Variants in S100Z observed in about 807,000 individuals in gnomAD.
The protein encoded by S100Z is S100 calcium binding protein Z.
A neutral mutation model predicts 8.5 loss-of-function variants in S100Z; 11 were observed. The observed-to-expected ratio is 1.30, with a 90% CI of 0.82 to 2.15. S100Z has a LOEUF of 2.15. S100Z is among the 30% of genes most tolerant of loss of function. The pLI is 0.00. For missense variants in S100Z, 126 were observed against 117.9 expected, an observed-to-expected ratio of 1.07 and a Z score of -0.32; for synonymous variants, 34 against 43.8, an observed-to-expected ratio of 0.78 and a Z score of 0.89.
chr5:76,851,035 G>T (rs1356282498), intron 1 of S100Z, among the ~76,000 whole-genome samples: 1 of 152,190 alleles, frequency 6.6e-6, no homozygotes, highest in African/African-American at 2.4e-5. Context: ...TTGGCCCAGA[G>T]TATGTGCTAA....
In S100Z at chr5:76,907,787, C is replaced by T. The variant is rs1257811508; in HGVS notation, c.*3-12930C>T. ...AGCTGAGACTGAAATTAAGTATCAT[C>T]ATTGCAGAAAAAAATTCTAATGTAA... is the stretch of plus-strand genomic sequence containing the variant. On this transcript the variant is annotated intron_variant, in intron 4 of 4. Coordinates refer to ENST00000317593, the MANE Select transcript of S100Z (RefSeq NM_130772.4). Among the ~76,000 whole-genome samples, 4 of 152,204 alleles carry T rather than the reference C, an allele frequency of 2.6e-5. No homozygotes were observed. In the East Asian group the frequency reaches 7.7e-4, roughly 29 times the overall value.
intron 1 of S100Z, among the ~76,000 whole-genome samples, chr5:76,862,448 A>G (rs59427846): frequency 0.11 from 16,811 of 151,672 alleles, 1,901 homozygotes; most frequent in African/African-American, 0.29. Context: ...GGTGTAGCCA[A>G]TTGGAGGCCT....
chr5:76,905,616 G>T (rs1239809081), intron 4 of S100Z, among the ~76,000 whole-genome samples: 1 of 151,894 alleles, frequency 6.6e-6, no homozygotes. Flanking sequence ...GTTTCACCAC[G>T]TTATCCAGGA....
chr5:76,924,608 T>C (rs1745102725), downstream of S100Z, among the ~76,000 whole-genome samples: 1 of 152,120 alleles, frequency 6.6e-6, no homozygotes, highest in Non-Finnish European at 1.5e-5. Context: ...ACTTAATAGC[T>C]TAACAAAGAT....
the S100Z span, among the ~76,000 whole-genome samples, chr5:76,943,505 G>T: frequency 6.6e-6 from 1 of 151,980 alleles, no homozygotes; most frequent in East Asian, 1.9e-4. Context: ...TTAGAGGCCT[G>T]ATAGCTCCAG....
At chr5:76,892,524 A>C (rs552549077) in intron 4 of S100Z, among the ~76,000 whole-genome samples, 2 of 151,972 alleles carry the variant, frequency 1.3e-5, no homozygotes, top group South Asian at 4.1e-4. Context: ...TTATTTTGCC[A>C]AGATTGGGGG....
At chr5:76,895,303 G>A (rs921290782) in intron 4 of S100Z, among the ~76,000 whole-genome samples, 5 of 152,144 alleles carry the variant, frequency 3.3e-5, no homozygotes, top group African/African-American at 1.2e-4. Context: ...CATGGAAAGA[G>A]AGCAACTTAT....
intron 1 of S100Z, among the ~76,000 whole-genome samples, chr5:76,859,822 C>T (rs1013459561): frequency 4.0e-5 from 6 of 148,390 alleles, no homozygotes; most frequent in Non-Finnish European, 8.9e-5. Flanking sequence ...CACAGGGAGG[C>T]GAACTCCCAA....
chr5:76,877,149 G>A (rs189005277), intron 3 of S100Z, among the ~76,000 whole-genome samples: 52 of 152,168 alleles, frequency 3.4e-4, no homozygotes, highest in African/African-American at 1.2e-3. Flanking sequence ...TAGGTATCTA[G>A]TATTTTTATT....
chr5:76,927,057 T>TA, the S100Z span, among the ~76,000 whole-genome samples: 7 of 152,214 alleles, frequency 4.6e-5, no homozygotes, highest in African/African-American at 1.7e-4. Context: ...TGTAAGATGT[T>TA]CCTGCTACTT....
At chr5:76,875,542 G>T in intron 3 of S100Z, 42 bp downstream of exon 3, 1 of 1,552,918 alleles carries the variant, frequency 6.4e-7, no homozygotes, top group Non-Finnish European at 8.7e-7. Flanking sequence ...TTTGAGGGTA[G>T]ATGAGGTGCA....
At chr5:76,857,232 C>A (rs184908608) in intron 1 of S100Z, among the ~76,000 whole-genome samples, 34 of 152,090 alleles carry the variant, frequency 2.2e-4, no homozygotes, top group Admixed American at 3.3e-4. Flanking sequence ...GTGGAGGTTG[C>A]AGTGAGCCGA....
chr5:76,889,318 T>G (rs1056106119), intron 4 of S100Z, among the ~76,000 whole-genome samples: 13 of 152,246 alleles, frequency 8.5e-5, no homozygotes, highest in African/African-American at 3.1e-4. Flanking sequence ...AGCCCTGGTG[T>G]TCGTCCGCTC....
chr5:76,850,600 C>G (rs946461074), intron 1 of S100Z, among the ~76,000 whole-genome samples: 1 of 152,138 alleles, frequency 6.6e-6, no homozygotes, highest in Admixed American at 6.5e-5. Flanking sequence ...TTTCCTGAAG[C>G]CTGCACAGAT....
intron 2 of S100Z, among the ~76,000 whole-genome samples, chr5:76,872,504 T>C (rs55976214): frequency 6.8e-6 from 1 of 147,004 alleles, no homozygotes; most frequent in Admixed American, 6.8e-5. Context: ...TCTACAAAAA[T>C]AAAAAAATTA....
rs557978833 is a variant in S100Z, at chr5:76,908,856, C to CT, written c.*3-11860dup. 6.0e-4 allele frequency among the ~76,000 whole-genome samples: 92 copies of CT among 152,268 alleles called. 1 individual carries two copies. In the East Asian group the frequency reaches 0.017, roughly 28 times the overall value. ...TACTAACAGGAGAATGCTTAGGACT[C>CT]TAACAGGTTTTCGAGAATGCATCAT... On this transcript the variant is annotated intron_variant, in intron 4 of 4. Transcript: ENST00000317593.
At chr5:76,868,341 CAA>C (rs139494247) in intron 1 of S100Z, among the ~76,000 whole-genome samples, 30,448 of 151,984 alleles carry the variant, frequency 0.2, 3,243 homozygotes, top group African/African-American at 0.26. Context: ...CCAGTAGAAA[CAA>C]AGAGAAAATC....
At chr5:76,931,788 T>A in the S100Z span, among the ~76,000 whole-genome samples, 4 of 143,214 alleles carry the variant, frequency 2.8e-5, no homozygotes, top group Non-Finnish European at 6.2e-5. Context: ...GAAAGAACAT[T>A]TGGGTTTTTT....
chr5:76,948,585 A>T, the S100Z span, among the ~76,000 whole-genome samples: 5 of 152,186 alleles, frequency 3.3e-5, no homozygotes, highest in Non-Finnish European at 7.3e-5. Context: ...AAGATGCTCA[A>T]TATCACCAAG....
Sources: gnomAD v4.1 joint callset for allele counts (sites outside exome capture counted in the v4.1 genomes callset) on GRCh38, gnomAD v4.1.1 for gene constraint, MANE v1.5 for transcripts, NCBI Gene and HGNC (gene_info 2026-07-23, HGNC 2026-07-21) for gene names.